Variants in NBEA observed in about 807,000 individuals in gnomAD.
NBEA encodes neurobeachin.
NBEA carries 44 observed loss-of-function variants against 343.4 expected under a neutral mutation model. The ratio of observed to expected loss-of-function variants is 0.13; its 90% CI spans 0.10 to 0.16. NBEA has a LOEUF of 0.16. Among genes scored for constraint, NBEA ranks in the 10% least tolerant of loss-of-function variants. The pLI, the probability that NBEA is intolerant of heterozygous loss-of-function variation, is 1.00. For synonymous variants in NBEA, 1,175 were observed against 1,238.7 expected (o/e 0.95, Z 1.08); for missense variants, 2,555 against 3,631.3 (o/e 0.70, Z 7.62).
At chr13:35,364,842 G>T (rs541241638) in intron 38 of NBEA, among the ~76,000 whole-genome samples, 3 of 151,892 alleles carry the variant, frequency 2.0e-5, no homozygotes, top group Non-Finnish European at 4.4e-5. Flanking sequence ...AGCCTTAAAA[G>T]AATCCCATCT....
At chr13:35,116,308 A>G (rs151064443) in intron 13 of NBEA, among the ~76,000 whole-genome samples, 169 of 152,292 alleles carry the variant, frequency 1.1e-3, no homozygotes, top group Non-Finnish European at 1.7e-3. Context: ...TCAGTGTTCA[A>G]TTTCTTGACC....
In NBEA at chr13:35,384,588, C is replaced by T. The variant is rs889721334; in HGVS notation, c.6179+32265C>T. ...TCATCCAGGCTGGAGTGCAGTGGTGCGATCTTGGCTCACTGCAACCTCCGC... is the reference window on the plus strand; with the variant it reads ...TCATCCAGGCTGGAGTGCAGTGGTGTGATCTTGGCTCACTGCAACCTCCGC... On this transcript the variant is annotated intron_variant, in intron 38 of 58. Transcript: ENST00000379939. Among the ~76,000 whole-genome samples, 8 of 139,722 alleles carry T rather than the reference C, an allele frequency of 5.7e-5. No individual in the cohort carries two copies. In the East Asian group the frequency reaches 1.1e-3, roughly 18 times the overall value. 91.7% of individuals were successfully genotyped at this position (139,722 alleles called of 152,430 possible). A position where few individuals can be genotyped will look rare whatever the true frequency, so the allele number is the denominator to read the frequency against.
At chr13:35,012,857 C>G (rs1245126926) in intron 1 of NBEA, among the ~76,000 whole-genome samples, 1 of 151,882 alleles carries the variant, frequency 6.6e-6, no homozygotes, top group Admixed American at 6.6e-5. Flanking sequence ...TTGATAATTT[C>G]TACATTATTG....
intron 13 of NBEA, among the ~76,000 whole-genome samples, chr13:35,114,038 T>A (rs2152664523): frequency 6.6e-6 from 1 of 152,308 alleles, no homozygotes; most frequent in South Asian, 2.1e-4. Flanking sequence ...ACTTTCCTTA[T>A]CCCGCCCTGA....
chr13:35,310,692 A>G (rs1164940771), intron 36 of NBEA, among the ~76,000 whole-genome samples: 2 of 152,176 alleles, frequency 1.3e-5, no homozygotes, highest in Non-Finnish European at 2.9e-5. Context: ...CAAACTTTAC[A>G]ACTTGAATTT....
At chr13:35,538,826 G>A (rs2153003570) in intron 41 of NBEA, among the ~76,000 whole-genome samples, 1 of 152,332 alleles carries the variant, frequency 6.6e-6, no homozygotes, top group South Asian at 2.1e-4. Flanking sequence ...CCACATTAGA[G>A]ATGCTCAAGG....
rs1163781417 is a variant in NBEA at position 35,171,360 on chromosome 13, T to C, written c.4331T>C (p.Val1444Ala). 6.2e-7 allele frequency: 1 copy of C among 1,612,050 alleles called. No individual in the cohort carries two copies. Among genetic ancestry groups the C allele is most frequent in the South Asian group, 1.1e-5 (1 of 90,952 alleles). The change falls in exon 26 of 59, where the codon GTA (valine) becomes GCA (alanine). Residue 1444 changes from valine to alanine, a missense_variant. Around this residue, in one of 21 missense-constraint regions of NBEA, gnomAD observed 168 missense variants for 193.0 expected, o/e 0.87. Coordinates refer to ENST00000379939, the MANE Select transcript of NBEA (RefSeq NM_001385012.1). ...AGCCGGCTGATGGCTATGGTTGATGTACTTGTGTTTGCAAGCTCTCTAAAT... is the reference window on the plus strand; with the variant it reads ...AGCCGGCTGATGGCTATGGTTGATGCACTTGTGTTTGCAAGCTCTCTAAAT... ...FLSRLMAMVDVLVFASSLNFS... is the reference protein window; with the variant it reads ...FLSRLMAMVDALVFASSLNFS...
intron 45 of NBEA, among the ~76,000 whole-genome samples, chr13:35,572,075 C>T (rs967551271): frequency 3.9e-5 from 6 of 152,140 alleles, no homozygotes; most frequent in African/African-American, 1.4e-4. Context: ...TGAGGGTCAA[C>T]AGATGAAACA....
At chr13:35,172,418 A>G (rs963482095) in intron 26 of NBEA, among the ~76,000 whole-genome samples, 5 of 152,150 alleles carry the variant, frequency 3.3e-5, no homozygotes, top group East Asian at 1.9e-4. Context: ...CCATTGACAT[A>G]TAACAAGAGC....
chr13:35,199,614 G>A (rs372752421), intron 31 of NBEA, among the ~76,000 whole-genome samples: 8 of 151,924 alleles, frequency 5.3e-5, no homozygotes, highest in East Asian at 3.9e-4. Context: ...ACTTATCCTG[G>A]ATTTTAAATT....
intron 41 of NBEA, among the ~76,000 whole-genome samples, chr13:35,540,059 C>T (rs2078748932): frequency 6.6e-6 from 1 of 151,406 alleles, no homozygotes; most frequent in African/African-American, 2.4e-5. Context: ...ATCATTACTG[C>T]AACTCTACCC....
chr13:35,108,410 A>G (rs2066025153), intron 11 of NBEA, among the ~76,000 whole-genome samples: 2 of 152,060 alleles, frequency 1.3e-5, no homozygotes, highest in Admixed American at 1.3e-4. Context: ...TTGTCCAATT[A>G]AATTACAATT....
intron 31 of NBEA, among the ~76,000 whole-genome samples, chr13:35,204,536 CT>C (rs1380261617): frequency 1.3e-5 from 2 of 152,100 alleles, no homozygotes; most frequent in African/African-American, 4.8e-5. Flanking sequence ...CTGCCTGCCC[CT>C]AGGTCCCTCC....
At chr13:35,345,833 G>T (rs1311695592) in intron 36 of NBEA, among the ~76,000 whole-genome samples, 1 of 152,086 alleles carries the variant, frequency 6.6e-6, no homozygotes, top group African/African-American at 2.4e-5. Context: ...CTTGTGAAAT[G>T]AAGCTACTTA....
chr13:35,301,419 A>T (rs1293435028), intron 35 of NBEA, among the ~76,000 whole-genome samples: 1 of 151,506 alleles, frequency 6.6e-6, no homozygotes, highest in Non-Finnish European at 1.5e-5. Flanking sequence ...ACTCCCACTT[A>T]TGAGTGAGAA....
chr13:35,378,586 G>A (rs2244415), intron 38 of NBEA, among the ~76,000 whole-genome samples: 46,038 of 151,672 alleles, frequency 0.3, 9,289 homozygotes, highest in African/African-American at 0.58. Flanking sequence ...TCAAATACAC[G>A]TTGAAATGGA....
chr13:35,468,380 T>C (rs1197196093), intron 40 of NBEA, among the ~76,000 whole-genome samples: 1 of 152,198 alleles, frequency 6.6e-6, no homozygotes, highest in African/African-American at 2.4e-5. Flanking sequence ...GCAAGATCAC[T>C]GTGCATACCA....
intron 40 of NBEA, among the ~76,000 whole-genome samples, chr13:35,455,079 C>T (rs1196222656): frequency 1.3e-5 from 2 of 151,720 alleles, no homozygotes; most frequent in Admixed American, 6.6e-5. Context: ...GAGAAATGTA[C>T]TTTCAAATAT....
Position 35,196,312 on chromosome 13 carries a change from G to A in NBEA, c.5366+10G>A. ...TTCATTCCTTTGACAGGTAGGTACT[G>A]AACTTATTATTCACAGGGCTTTATA... On this transcript the variant is annotated intron_variant, in intron 31 of 58. Coordinates refer to ENST00000379939, the MANE Select transcript of NBEA (RefSeq NM_001385012.1). The A allele has an allele frequency of 1.3e-6, 2 of 1,594,562 alleles. No homozygotes were observed. Among genetic ancestry groups the A allele is most frequent in the African/African-American group, 2.7e-5 (2 of 74,038 alleles).
Sources: gnomAD v4.1 joint callset for allele counts (sites outside exome capture counted in the v4.1 genomes callset) on GRCh38, gnomAD v4.1.1 for gene constraint, gnomAD v4.1.1 regional missense constraint, MANE v1.5 for transcripts, NCBI Gene and HGNC (gene_info 2026-07-23, HGNC 2026-07-21) for gene names.